Variants in BAIAP2 observed in about 807,000 individuals in gnomAD.
BAIAP2 encodes the protein BAR/IMD domain containing adaptor protein 2, also known as BAR/IMD domain-containing adapter protein 2.
BAIAP2 carries 18 observed loss-of-function variants against 63.0 expected under a neutral mutation model. The ratio of observed to expected loss-of-function variants is 0.29; its 90% CI spans 0.20 to 0.42. The LOEUF is 0.42. BAIAP2 is among the 10% of genes least tolerant of loss of function. The pLI is 1.00. For missense variants in BAIAP2, 610 were observed against 734.3 expected (o/e 0.83, Z 1.96); for synonymous variants, 386 against 307.6 (o/e 1.25, Z -2.67).
Position 81,115,730 on chromosome 17 carries a change from C to T in BAIAP2, c.1536-40C>T, listed in dbSNP as rs767023540. 8.1e-6 allele frequency: 13 copies of T among 1,612,640 alleles called. No individual in the cohort carries two copies. In the East Asian group the frequency reaches 2.2e-4, roughly 28 times the overall value. On this transcript the variant is annotated intron_variant, in intron 13 of 13. Transcript: ENST00000428708. ...CCCAGGTGGCACAATTCACCCATGG[C>T]TTCCGCCCTAAAAATTAAAACCACG...
intron 2 of BAIAP2, among the ~76,000 whole-genome samples, chr17:81,054,099 C>A (rs2049085583): frequency 2.3e-5 from 1 of 44,216 alleles, no homozygotes; most frequent in Non-Finnish European, 4.1e-5. Flanking sequence ...GCCCTGGCCC[C>A]AAGGGTGGGA....
chr17:81,094,681 G>A (rs1036385529), intron 6 of BAIAP2, among the ~76,000 whole-genome samples: 4 of 152,146 alleles, frequency 2.6e-5, no homozygotes, highest in Non-Finnish European at 5.9e-5. Context: ...CCTGGGTACC[G>A]TGCCCATCAG....
chr17:81,051,803 C>A (rs1005303239), intron 1 of BAIAP2, among the ~76,000 whole-genome samples: 1 of 152,192 alleles, frequency 6.6e-6, no homozygotes, highest in African/African-American at 2.4e-5. Context: ...AATCCTCCCA[C>A]CTCAGCCTCC....
intron 6 of BAIAP2, among the ~76,000 whole-genome samples, chr17:81,098,394 G>T (rs1344904381): frequency 1.3e-5 from 2 of 151,694 alleles, no homozygotes; most frequent in Non-Finnish European, 2.9e-5. Flanking sequence ...TCTTGGTCTG[G>T]CTTTGCTTGC....
intron 6 of BAIAP2, chr17:81,098,079 A>G: frequency 2.3e-6 from 3 of 1,314,126 alleles, no homozygotes; most frequent in Non-Finnish European, 2.9e-6. Context: ...TCCCCAGGCC[A>G]GCTGGGGTCA....
intron 1 of BAIAP2, among the ~76,000 whole-genome samples, chr17:81,041,674 A>G (rs1319135546): frequency 6.6e-6 from 1 of 152,120 alleles, no homozygotes. Flanking sequence ...TCCCGGGTTC[A>G]GGTGATTCTC....
chr17:81,039,380 T>A (rs1373695079), intron 1 of BAIAP2, among the ~76,000 whole-genome samples: 1 of 152,210 alleles, frequency 6.6e-6, no homozygotes. Context: ...CCAGGTGGCG[T>A]CCAGCGTTCG....
chr17:81,065,760 G>C (rs1295939448), intron 3 of BAIAP2, among the ~76,000 whole-genome samples: 1 of 152,242 alleles, frequency 6.6e-6, no homozygotes, highest in East Asian at 1.9e-4. Flanking sequence ...GTGACCTGGG[G>C]TCCTGGTACA....
intron 3 of BAIAP2, among the ~76,000 whole-genome samples, chr17:81,069,447 G>T (rs2052151137): frequency 6.6e-6 from 1 of 152,004 alleles, no homozygotes. Context: ...AGGCTGGGGA[G>T]TGGTCCACGG....
At chr17:81,092,516 G>A (rs928257317) in intron 6 of BAIAP2, among the ~76,000 whole-genome samples, 11 of 152,242 alleles carry the variant, frequency 7.2e-5, no homozygotes, top group Admixed American at 5.9e-4. Flanking sequence ...CCTTGAGCGG[G>A]GCTGGGCCCG....
Position 81,107,063 on chromosome 17 carries a change from T to C in BAIAP2, c.1500+156T>C, listed in dbSNP as rs112075068. The C allele has an allele frequency of 2.8e-3, 2,563 of 904,946 alleles. 49 individuals carry two copies. The African/African-American group carries it at 0.039, about 14-fold the overall frequency. The allele number at this position is 904,946 out of a possible 1,614,324, so 56.1% of individuals were successfully genotyped here. A position where few individuals can be genotyped will look rare whatever the true frequency, so the allele number is the denominator to read the frequency against. On this transcript the variant is annotated intron_variant, in intron 12 of 13. Coordinates refer to ENST00000428708, the MANE Select transcript of BAIAP2 (RefSeq NM_001144888.2). ...GAAGGCTGCATGATTTGGGAATGTG[T>C]ACACACCCCTGCTTCGGCCTCAGGC... is the stretch of plus-strand genomic sequence containing the variant.
chr17:81,106,890 G>C lies in BAIAP2; in HGVS notation c.1483G>C (p.Val495Leu), dbSNP rs760813385. The C allele has an allele frequency of 6.4e-7, 1 of 1,567,944 alleles. No individual in the cohort carries two copies. The highest frequency in any genetic ancestry group is 8.6e-7 in the Non-Finnish European group (1 of 1,157,004). The change falls in exon 12 of 14, where the codon GTG becomes CTG. Residue 495 changes from valine (V) to leucine (L), a missense_variant. Physicochemically the swap from Val to Leu is conservative, Grantham distance 32 (BLOSUM62 1). Around this residue, in one of 5 missense-constraint regions of BAIAP2, gnomAD observed 114 missense variants for 98.2 expected, o/e 1.16. Transcript: ENST00000428708. ...GFKQRPYSVA[V>L]PAFSQGLDDY... is the part of the protein sequence containing the mutation. Reference sequence around the variant, plus strand: ...CAAGCAGAGGCCCTACAGTGTGGCCGTGCCCGCCTTCTCCCAGGTCAGTGG... The same window carrying C: ...CAAGCAGAGGCCCTACAGTGTGGCCCTGCCCGCCTTCTCCCAGGTCAGTGG...
At position 81,056,250 on chromosome 17, in the gene BAIAP2, C is replaced by G. The variant is rs201208140; in HGVS notation, c.131-1631C>G. 2.0e-5 allele frequency: 3 copies of G among 152,274 alleles called. No individual in the cohort carries two copies. In the East Asian group the frequency reaches 5.8e-4, roughly 29 times the overall value. 9.4% of individuals were successfully genotyped at this position (152,274 alleles called of 1,614,324 possible). On this transcript the variant is annotated intron_variant, in intron 2 of 13. Coordinates refer to ENST00000428708, the MANE Select transcript of BAIAP2 (RefSeq NM_001144888.2). ...AGATTCTCCGGGCCCAGCTAAGTTC[C>G]GTGCCCTGTGAATGAGACCAGTTGT...
chr17:81,073,456 A>G (rs1283621551), intron 3 of BAIAP2, among the ~76,000 whole-genome samples: 1 of 152,202 alleles, frequency 6.6e-6, no homozygotes, highest in African/African-American at 2.4e-5. Context: ...TTTGGTAGAA[A>G]TGATCTTTTA....
At chr17:81,091,566 A>G (rs1405264978) in intron 6 of BAIAP2, among the ~76,000 whole-genome samples, 1 of 152,172 alleles carries the variant, frequency 6.6e-6, no homozygotes, top group Non-Finnish European at 1.5e-5. Context: ...ACTGGCGACC[A>G]TAGCAGTTGT....
intron 3 of BAIAP2, among the ~76,000 whole-genome samples, chr17:81,084,429 G>A (rs552152434): frequency 6.6e-6 from 1 of 152,284 alleles, no homozygotes; most frequent in Admixed American, 6.5e-5. Flanking sequence ...TCAGCAGACT[G>A]TCCACCTGGC....
chr17:81,103,786 C>G, intron 8 of BAIAP2, 63 bp downstream of exon 8: 3 of 1,561,962 alleles, frequency 1.9e-6, no homozygotes, highest in Non-Finnish European at 1.7e-6. Flanking sequence ...GTTGTCAGGG[C>G]GGGGGGCCGC....
intron 3 of BAIAP2, among the ~76,000 whole-genome samples, chr17:81,064,471 C>A (rs773885094): frequency 6.6e-6 from 1 of 152,232 alleles, no homozygotes; most frequent in Non-Finnish European, 1.5e-5. Flanking sequence ...CCTGGCAGCA[C>A]CCCCTCACTG....
At chr17:81,057,137 C>G (rs2049725435) in intron 2 of BAIAP2, among the ~76,000 whole-genome samples, 1 of 152,212 alleles carries the variant, frequency 6.6e-6, no homozygotes, top group African/African-American at 2.4e-5. Flanking sequence ...TCTCCGGGGC[C>G]CTGCCCCGCC....
Sources: gnomAD v4.1 joint callset for allele counts (sites outside exome capture counted in the v4.1 genomes callset) on GRCh38, gnomAD v4.1.1 for gene constraint, gnomAD v4.1.1 regional missense constraint, MANE v1.5 for transcripts, NCBI Gene and HGNC (gene_info 2026-07-23, HGNC 2026-07-21) for gene names.